Variants in DPYD observed in about 807,000 individuals in gnomAD.
The protein encoded by DPYD is dihydropyrimidine dehydrogenase.
Under a neutral mutation model 116.2 loss-of-function variants are expected in DPYD, and 109 were observed. The observed-to-expected ratio is 0.94, with a 90% CI of 0.80 to 1.10. The LOEUF is 1.10. Ranked by LOEUF, DPYD falls within the 50% of genes least tolerant of loss-of-function variation. The pLI is 0.00. For synonymous variants in DPYD, 440 were observed against 432.0 expected (o/e 1.02, Z -0.23); for missense variants, 1,302 against 1,254.5 (o/e 1.04, Z -0.57).
In DPYD at chr1:97,629,847, G is replaced by T. The variant is rs149492570; in HGVS notation, c.851-34681C>A. ...TATTCACCTATGTAATGGGGGTAAT[G>T]AAATTTATACTGGGGGCTGTGAGAA... On this transcript the variant is annotated intron_variant, in intron 8 of 22. Transcript: ENST00000370192. 4.6e-3 allele frequency among the ~76,000 whole-genome samples: 703 copies of T among 152,138 alleles called. 3 individuals are homozygous for T. Among genetic ancestry groups the T allele is most frequent in the Non-Finnish European group, 8.2e-3 (555 of 67,962 alleles).
At chr1:97,775,999 A>G (rs1186102486) in intron 3 of DPYD, among the ~76,000 whole-genome samples, 1 of 152,098 alleles carries the variant, frequency 6.6e-6, no homozygotes, top group Non-Finnish European at 1.5e-5. Context: ...TATAGGCTAC[A>G]TGTGATGTTT....
chr1:97,151,147 T>C (rs924553842), intron 20 of DPYD, among the ~76,000 whole-genome samples: 1 of 152,244 alleles, frequency 6.6e-6, no homozygotes, highest in Non-Finnish European at 1.5e-5. Context: ...CATTCTTCTA[T>C]GAAATGTGTT....
chr1:97,194,636 C>T (rs1185648810), intron 19 of DPYD, among the ~76,000 whole-genome samples: 2 of 151,990 alleles, frequency 1.3e-5, no homozygotes, highest in Non-Finnish European at 2.9e-5. Flanking sequence ...TCTCGAGTAG[C>T]TGGGACTACA....
At chr1:97,529,900 C>T (rs1242103581) in intron 12 of DPYD, among the ~76,000 whole-genome samples, 1 of 149,104 alleles carries the variant, frequency 6.7e-6, no homozygotes, top group Non-Finnish European at 1.5e-5. Context: ...CTCCTTCCTC[C>T]CTTCCTTCTT....
chr1:97,183,276 CT>C (rs1234366620), intron 20 of DPYD, among the ~76,000 whole-genome samples: 1 of 151,936 alleles, frequency 6.6e-6, no homozygotes. Context: ...TTTAAAATTA[CT>C]TTTTTGTCCT....
In DPYD at chr1:97,305,249, C is replaced by A; in HGVS notation, c.2299+10G>T. The A allele has an allele frequency of 1.2e-6, 2 of 1,612,044 alleles. No homozygotes were observed. The highest frequency in any genetic ancestry group is 1.3e-5 in the African/African-American group (1 of 74,880). On this transcript the variant is annotated intron_variant, in intron 18 of 22. Transcript: ENST00000370192. ...AAGAAAGCACAATGCAAGAAGTGGGCAACACCTACCAGACACTCCTCCATA... is the reference window on the plus strand; with the variant it reads ...AAGAAAGCACAATGCAAGAAGTGGGAAACACCTACCAGACACTCCTCCATA...
At chr1:97,657,790 T>C (rs1653502625) in intron 8 of DPYD, among the ~76,000 whole-genome samples, 2 of 152,166 alleles carry the variant, frequency 1.3e-5, no homozygotes, top group Admixed American at 6.5e-5. Flanking sequence ...AGAAATATAT[T>C]TATTATATAA....
At chr1:97,827,195 G>A (rs1669284111) in intron 3 of DPYD, among the ~76,000 whole-genome samples, 1 of 151,954 alleles carries the variant, frequency 6.6e-6, no homozygotes, top group Admixed American at 6.6e-5. Flanking sequence ...GAAGCTCTTA[G>A]GTTTATCCTT....
intron 2 of DPYD, among the ~76,000 whole-genome samples, chr1:97,880,503 C>A (rs553413102): frequency 1.3e-5 from 2 of 151,810 alleles, no homozygotes; most frequent in East Asian, 2.0e-4. Flanking sequence ...ACCCTAGCTT[C>A]ATATTTCACT....
chr1:97,819,405 C>T (rs180676768), intron 3 of DPYD, among the ~76,000 whole-genome samples: 1 of 151,978 alleles, frequency 6.6e-6, no homozygotes, highest in East Asian at 1.9e-4. Context: ...AAAATATACC[C>T]TTATACATGG....
chr1:97,585,454 G>T (rs1297124297), intron 10 of DPYD, among the ~76,000 whole-genome samples: 1 of 152,028 alleles, frequency 6.6e-6, no homozygotes, highest in Non-Finnish European at 1.5e-5. Flanking sequence ...TGATGACAGG[G>T]GGATGACACA....
chr1:97,593,399 A>C lies in DPYD; in HGVS notation c.959-12T>G. On this transcript the variant is annotated splice_polypyrimidine_tract_variant and intron_variant, in intron 9 of 22. Transcript: ENST00000370192. ...ACAGGCGCACATTCCTGAATGATGAAAGGAAAACCCCATTTTCAAGTAGAG... is the reference window on the plus strand; with the variant it reads ...ACAGGCGCACATTCCTGAATGATGACAGGAAAACCCCATTTTCAAGTAGAG... 3 of 1,613,846 alleles carry C rather than the reference A, an allele frequency of 1.9e-6. No individual in the cohort carries two copies. The highest frequency in any genetic ancestry group is 1.7e-4 in the Middle Eastern group (1 of 6,056).
chr1:97,443,391 T>C (rs764627156), intron 14 of DPYD, among the ~76,000 whole-genome samples: 1 of 152,192 alleles, frequency 6.6e-6, no homozygotes, highest in African/African-American at 2.4e-5. Context: ...AGAAAATCAC[T>C]ACGTAAGCTC....
intron 8 of DPYD, among the ~76,000 whole-genome samples, chr1:97,630,613 C>T (rs1315484535): frequency 6.6e-6 from 1 of 152,124 alleles, no homozygotes; most frequent in Admixed American, 6.6e-5. Context: ...TCAGCTGTAG[C>T]ATTGACTTAG....
intron 14 of DPYD, among the ~76,000 whole-genome samples, chr1:97,409,971 C>T (rs947865901): frequency 4.3e-4 from 65 of 151,842 alleles, no homozygotes; most frequent in African/African-American, 1.4e-3. Context: ...CCAGCTAAGG[C>T]AGAAGAATTG....
At chr1:97,607,337 A>AT (rs200437222) in intron 8 of DPYD, among the ~76,000 whole-genome samples, 2,036 of 151,226 alleles carry the variant, frequency 0.013, 25 homozygotes, top group Middle Eastern at 0.024. Context: ...CTCCATTCTA[A>AT]TTTTTTTTTA....
intron 3 of DPYD, among the ~76,000 whole-genome samples, chr1:97,769,956 G>A (rs764953294): frequency 3.3e-5 from 5 of 152,282 alleles, no homozygotes; most frequent in South Asian, 2.1e-4. Context: ...ATTTATAGAA[G>A]AAGAGATCCT....
chr1:97,698,221 G>A (rs575301399), intron 6 of DPYD, among the ~76,000 whole-genome samples: 6 of 151,694 alleles, frequency 4.0e-5, no homozygotes, highest in African/African-American at 1.4e-4. Context: ...ACACTAAAGG[G>A]TCTTCCTAAA....
At chr1:97,275,087 T>C (rs1014618903) in intron 18 of DPYD, among the ~76,000 whole-genome samples, 1 of 152,128 alleles carries the variant, frequency 6.6e-6, no homozygotes, top group Non-Finnish European at 1.5e-5. Flanking sequence ...AGAGCAACCT[T>C]GGCATTAGGT....
Sources: allele counts gnomAD v4.1 joint callset (sites outside exome capture counted in the v4.1 genomes callset), GRCh38; gene constraint gnomAD v4.1.1; transcripts MANE v1.5; gene names NCBI Gene and HGNC (gene_info 2026-07-23, HGNC 2026-07-21).